SVEP1: variants seen among roughly 807,000 people sequenced by gnomAD.
SVEP1 encodes the protein sushi, von Willebrand factor type A, EGF and pentraxin domain containing 1, also known as sushi, von Willebrand factor type A, EGF and pentraxin domain-containing protein 1.
In SVEP1, 164 loss-of-function variants were observed where a neutral mutation model predicts 367.3. That is an observed-to-expected ratio of 0.45 (90% CI 0.39 to 0.51). The LOEUF is 0.51. Ranked by LOEUF, SVEP1 falls within the 20% of genes least tolerant of loss-of-function variation. The pLI is 0.00. For missense variants in SVEP1, 4,117 were observed against 4,425.3 expected, an observed-to-expected ratio of 0.93 and a Z score of 1.98; for synonymous variants, 1,666 against 1,611.6, an observed-to-expected ratio of 1.03 and a Z score of -0.81.
chr9:110,481,211 T>A, intron 12 of SVEP1, 31 bp downstream of exon 12: 1 of 1,427,834 alleles, frequency 7.0e-7, no homozygotes, highest in Non-Finnish European at 9.3e-7. Flanking sequence ...TCACACACAT[T>A]AAAGAAGTCT....
chr9:110,375,490 A>AAAT, intron 45 of SVEP1, 27 bp from the exon 46 acceptor site: 1 of 1,338,836 alleles, frequency 7.5e-7, no homozygotes, highest in East Asian at 2.7e-5. Flanking sequence ...AAAAAAAAAA[A>AAAT]GGAGGCAGGG....
intron 3 of SVEP1, among the ~76,000 whole-genome samples, chr9:110,519,899 T>C (rs1829856554): frequency 6.6e-6 from 1 of 152,108 alleles, no homozygotes; most frequent in Admixed American, 6.6e-5. Flanking sequence ...ATACAGAAGT[T>C]ACAAGTAAGG....
At chr9:110,555,980 A>C (rs138052134) in intron 1 of SVEP1, among the ~76,000 whole-genome samples, 1 of 152,358 alleles carries the variant, frequency 6.6e-6, no homozygotes, top group African/African-American at 2.4e-5. Context: ...AATAGTTTAC[A>C]TCATCTGCTA....
chr9:110,372,746 T>A (rs972216751), intron 46 of SVEP1, among the ~76,000 whole-genome samples: 1 of 152,042 alleles, frequency 6.6e-6, no homozygotes, highest in African/African-American at 2.4e-5. Context: ...AAGAGGCTGC[T>A]TGCAAGGGTA....
rs1209211078 is a variant in SVEP1 at position 110,427,763 on chromosome 9, G to A, written c.5808-5C>T. The stretch of plus-strand genomic sequence containing the variant: ...ATAATGGAAGGGCCCTGTAAGCTGC[G>A]GGAAAGAATGATGTTACTCTTTCAT... On this transcript the variant is annotated splice_polypyrimidine_tract_variant and splice_region_variant and intron_variant, in intron 35 of 47. Transcript: ENST00000374469. 5.6e-6 allele frequency: 9 copies of A among 1,606,946 alleles called. No homozygotes were observed. The highest frequency in any genetic ancestry group is 1.7e-4 in the Middle Eastern group (1 of 6,030).
At chr9:110,499,828 G>T (rs554986771) in intron 6 of SVEP1, among the ~76,000 whole-genome samples, 1 of 152,288 alleles carries the variant, frequency 6.6e-6, no homozygotes, top group South Asian at 2.1e-4. Context: ...CATGTGAGGG[G>T]GCAGCGTGTG....
chr9:110,447,094 T>C (rs763316662), intron 24 of SVEP1, 37 bp from the exon 25 acceptor site: 6 of 1,377,838 alleles, frequency 4.4e-6, no homozygotes, highest in Non-Finnish European at 4.7e-6. Context: ...ATTAGAACAG[T>C]TGTAGGAAGT....
intron 21 of SVEP1, among the ~76,000 whole-genome samples, chr9:110,456,259 A>G (rs1828773995): frequency 6.6e-6 from 1 of 152,218 alleles, no homozygotes; most frequent in African/African-American, 2.4e-5. Context: ...CTCCAGACCC[A>G]CTGAATTAGA....
intron 5 of SVEP1, among the ~76,000 whole-genome samples, chr9:110,506,419 G>A (rs929271406): frequency 1.3e-5 from 2 of 152,212 alleles, no homozygotes; most frequent in African/African-American, 4.8e-5. Context: ...TTTCATCAGA[G>A]TAAACAGGCA....
rs764695634 is a variant in SVEP1 at position 110,472,334 on chromosome 9, G to A, written c.2600-11C>T. 4.5e-6 allele frequency: 7 copies of A among 1,551,662 alleles called. No homozygotes were observed. Among genetic ancestry groups the A allele is most frequent in the Middle Eastern group, 1.7e-4 (1 of 5,840 alleles). On this transcript the variant is annotated splice_polypyrimidine_tract_variant and intron_variant, in intron 14 of 47. Coordinates refer to ENST00000374469, the MANE Select transcript of SVEP1 (RefSeq NM_153366.4). ...CCCAGCCACCTGGTCCTGGATAGTCGGGGCAGAGACACAAATGATCACACA... is the reference window on the plus strand; with the variant it reads ...CCCAGCCACCTGGTCCTGGATAGTCAGGGCAGAGACACAAATGATCACACA...
At chr9:110,375,560 C>T (rs1463896019) in intron 45 of SVEP1, 97 bp from the exon 46 acceptor site, 6 of 1,122,378 alleles carry the variant, frequency 5.3e-6, no homozygotes, top group Non-Finnish European at 7.5e-6. Context: ...GTTCAGAAAA[C>T]ATTTTGCAGG....
chr9:110,402,636 T>G (rs1313096630), intron 39 of SVEP1, among the ~76,000 whole-genome samples: 1 of 151,924 alleles, frequency 6.6e-6, no homozygotes, highest in Non-Finnish European at 1.5e-5. Context: ...ATCACAGAGT[T>G]CTCCAGGGCT....
chr9:110,510,890 T>C (rs183986816), intron 5 of SVEP1, among the ~76,000 whole-genome samples: 103 of 152,374 alleles, frequency 6.8e-4, no homozygotes, highest in African/African-American at 2.4e-3. Flanking sequence ...TATGTGGCTT[T>C]TTACCACTTG....
At chr9:110,546,993 A>C (rs1830228915) in intron 2 of SVEP1, among the ~76,000 whole-genome samples, 1 of 152,216 alleles carries the variant, frequency 6.6e-6, no homozygotes, top group Non-Finnish European at 1.5e-5. Context: ...TGAAAGTTTT[A>C]GACTAAATTC....
chr9:110,531,203 A>G (rs1203485421), intron 3 of SVEP1, among the ~76,000 whole-genome samples: 1 of 152,184 alleles, frequency 6.6e-6, no homozygotes, highest in East Asian at 1.9e-4. Flanking sequence ...TATTTCATAT[A>G]TAGTGATTTG....
intron 38 of SVEP1, 48 bp downstream of exon 38, chr9:110,406,112 T>C (rs961712199): frequency 6.6e-7 from 1 of 1,505,894 alleles, no homozygotes; most frequent in Non-Finnish European, 8.9e-7. Context: ...ACATTTCATT[T>C]CATAATCCTG....
chr9:110,445,723 C>A, intron 26 of SVEP1, 114 bp downstream of exon 26: 2 of 1,130,924 alleles, frequency 1.8e-6, no homozygotes, highest in Non-Finnish European at 2.6e-6. Flanking sequence ...TGACACCCTG[C>A]TGTTTTCTGG....
rs376916925 is a variant in SVEP1, at chr9:110,408,721, A to G, written c.6879T>C (p.Gly2293=). ...AAGAACTGTCACCAACAAGCTCATA[A>G]CCCTCATTACAGAAAAACTGAACCT... is the stretch of plus-strand genomic sequence containing the variant. ...GSKVQFFCNE[G]YELVGDSSWT... is the part of the protein sequence containing the mutation. The change falls in exon 38 of 48, where the codon GGT becomes GGC. Residue 2293 remains glycine (G), a synonymous_variant. Transcript: ENST00000374469. 1.4e-5 allele frequency: 23 copies of G among 1,613,806 alleles called. No homozygotes were observed. The highest frequency in any genetic ancestry group is 1.9e-5 in the Non-Finnish European group (22 of 1,179,886).
chr9:110,432,098 T>C (rs1399463225), intron 31 of SVEP1, 64 bp from the exon 32 acceptor site: 2 of 1,517,016 alleles, frequency 1.3e-6, no homozygotes, highest in African/African-American at 2.8e-5. Context: ...CAAACATCTG[T>C]TTTTACTTTT....
Sources: gnomAD v4.1 joint callset for allele counts (sites outside exome capture counted in the v4.1 genomes callset) on GRCh38, gnomAD v4.1.1 for gene constraint, MANE v1.5 for transcripts, NCBI Gene and HGNC (gene_info 2026-07-23, HGNC 2026-07-21) for gene names.